Variants in AGPAT3 observed in about 807,000 individuals in gnomAD.
The protein encoded by AGPAT3 is 1-acylglycerol-3-phosphate O-acyltransferase 3, also known as 1-acyl-sn-glycerol-3-phosphate acyltransferase gamma.
A neutral mutation model predicts 47.3 loss-of-function variants in AGPAT3; 5 were observed. The ratio of observed to expected loss-of-function variants is 0.11; its 90% CI spans 0.06 to 0.22. The LOEUF is 0.22. Among genes scored for constraint, AGPAT3 ranks in the 10% least tolerant of loss-of-function variants. AGPAT3 has a pLI of 1.00. For missense variants in AGPAT3, 315 were observed against 493.0 expected (o/e 0.64, Z 3.42); for synonymous variants, 212 against 208.3 (o/e 1.02, Z -0.15).
At chr21:43,915,765 A>T (rs534418723) in intron 2 of AGPAT3, among the ~76,000 whole-genome samples, 13 of 152,040 alleles carry the variant, frequency 8.6e-5, no homozygotes, top group East Asian at 3.9e-4. Context: ...TTGTTGATTT[A>T]AAAAAAATTT....
chr21:43,889,286 G>GTTT (rs5844169), intron 1 of AGPAT3, among the ~76,000 whole-genome samples: 2 of 139,832 alleles, frequency 1.4e-5, no homozygotes. Context: ...GTTGTTGTGG[G>GTTT]TTTTTTTTTT....
At chr21:43,870,259 C>G (rs1421898377) in intron 1 of AGPAT3, among the ~76,000 whole-genome samples, 1 of 152,138 alleles carries the variant, frequency 6.6e-6, no homozygotes, top group Non-Finnish European at 1.5e-5. Context: ...AGGTTATTTT[C>G]AGTTTTCTAA....
intron 8 of AGPAT3, 65 bp from the exon 9 acceptor site, chr21:43,980,921 TCTC>T (rs1381357847): frequency 1.4e-6 from 2 of 1,434,470 alleles, no homozygotes; most frequent in Non-Finnish European, 1.9e-6. Context: ...CCAACAATCT[TCTC>T]CTGCATTGAA....
chr21:43,886,856 A>G (rs891967674), intron 1 of AGPAT3, among the ~76,000 whole-genome samples: 1 of 152,234 alleles, frequency 6.6e-6, no homozygotes, highest in Non-Finnish European at 1.5e-5. Context: ...CTTGATGGAC[A>G]TGTGGGTTGC....
At chr21:43,910,342 G>A (rs554692810) in intron 2 of AGPAT3, among the ~76,000 whole-genome samples, 14 of 152,328 alleles carry the variant, frequency 9.2e-5, no homozygotes, top group African/African-American at 2.4e-4. Flanking sequence ...GTCTCCCAGC[G>A]GCTGTGGCCG....
Position 43,892,199 on chromosome 21 carries a change from C to T in AGPAT3, c.-111-11758C>T, listed in dbSNP as rs141411764. Among the ~76,000 whole-genome samples the T allele has an allele frequency of 4.9e-3, 737 of 151,948 alleles. 9 individuals carry two copies. Among genetic ancestry groups the T allele is most frequent in the African/African-American group, 0.016 (655 of 41,408 alleles). On this transcript the variant is annotated intron_variant, in intron 1 of 9. Transcript: ENST00000291572. ...GTGCACGCCTGTAAATCCAGCTACT[C>T]AGGAGGCCGAGACAGGAGAATCGCT...
At position 43,984,922 on chromosome 21, in the gene AGPAT3, G is replaced by A. The variant is rs1314238661; in HGVS notation, c.*2530G>A. ...AGTCCGTGCTGGCCACTGTCGGGGT[G>A]AGGCACATTCTAGGCCTGGCATCGC... On this transcript the variant is annotated 3_prime_UTR_variant, in exon 10 of 10. Transcript: ENST00000291572. 2 of 356,094 alleles carry A rather than the reference G, an allele frequency of 5.6e-6. No individual in the cohort carries two copies. The highest frequency in any genetic ancestry group is 1.1e-5 in the Non-Finnish European group (2 of 178,122). The allele number at this position is 356,094 out of a possible 1,614,324, so 22.1% of individuals were successfully genotyped here.
At chr21:43,936,764 G>A (rs1417012419) in intron 2 of AGPAT3, among the ~76,000 whole-genome samples, 1 of 152,224 alleles carries the variant, frequency 6.6e-6, no homozygotes, top group Non-Finnish European at 1.5e-5. Context: ...GTGGAGCCAT[G>A]CCTGGCGCCA....
At position 43,967,998 on chromosome 21, in the gene AGPAT3, G is replaced by C; in HGVS notation, c.231G>C (p.Thr77=). The C allele has an allele frequency of 1.2e-6, 2 of 1,614,024 alleles. No individual in the cohort carries two copies. The highest frequency in any genetic ancestry group is 1.7e-6 in the Non-Finnish European group (2 of 1,180,010). ...CCTGCACGGAGTGTACACTGTTCAC[G>C]GACCAGGCCACGGTAGAGCGCTTTG... is the stretch of plus-strand genomic sequence containing the variant. The part of the protein sequence containing the change: ...WWSCTECTLF[T]DQATVERFGK... The change falls in exon 4 of 10, where the codon ACG becomes ACC. Residue 77 remains threonine (T), a synonymous_variant. Transcript: ENST00000291572.
chr21:43,899,909 G>A (rs919639343), intron 1 of AGPAT3, among the ~76,000 whole-genome samples: 4 of 152,216 alleles, frequency 2.6e-5, no homozygotes, highest in African/African-American at 4.8e-5. Flanking sequence ...CTGAGAGGAG[G>A]AGTGTCTCAG....
At chr21:43,980,902 T>G in intron 8 of AGPAT3, 87 bp from the exon 9 acceptor site, 12 of 1,335,256 alleles carry the variant, frequency 9.0e-6, no homozygotes, top group Non-Finnish European at 5.2e-6. Context: ...GTTGAGTCGT[T>G]TTTCATTGCC....
chr21:43,982,338 T>C lies in AGPAT3; in HGVS notation c.1077T>C (p.Thr359=). 2.5e-6 allele frequency: 4 copies of C among 1,613,908 alleles called. No individual in the cohort carries two copies. The highest frequency in any genetic ancestry group is 2.7e-5 in the African/African-American group (2 of 74,964). ...SFGVRRLIGV[T]EIEKGSSYGN... The stretch of plus-strand genomic sequence containing the variant: ...GAGTTCGCAGACTGATAGGAGTAAC[T>C]GAGATAGAAAAAGGCTCCAGCTACG... The change falls in exon 10 of 10, where the codon ACT becomes ACC. Residue 359 remains threonine, a synonymous_variant. Coordinates refer to ENST00000291572, the MANE Select transcript of AGPAT3 (RefSeq NM_020132.5). The surrounding 1 kb of genome is among the most constrained non-coding windows in gnomAD (Gnocchi z 6.2).
intron 2 of AGPAT3, among the ~76,000 whole-genome samples, chr21:43,928,111 G>A (rs1198226187): frequency 1.3e-5 from 2 of 152,122 alleles, no homozygotes; most frequent in South Asian, 4.1e-4. Context: ...CAGCAGAAAC[G>A]GAATAACCAC....
chr21:43,890,665 G>A (rs1353127341), intron 1 of AGPAT3, among the ~76,000 whole-genome samples: 3 of 150,720 alleles, frequency 2.0e-5, no homozygotes, highest in Non-Finnish European at 2.9e-5. Context: ...CACCCGCCTC[G>A]GCCTCCCAAA....
At chr21:43,961,507 CTT>C (rs1315593718) in intron 3 of AGPAT3, among the ~76,000 whole-genome samples, 1 of 121,532 alleles carries the variant, frequency 8.2e-6, no homozygotes, top group Non-Finnish European at 1.8e-5. Context: ...CGCGTAGACA[CTT>C]TGTCTCGTGG....
In AGPAT3 at chr21:43,971,397, T is replaced by C. The variant is rs1050686908; in HGVS notation, c.674T>C (p.Val225Ala). 6.2e-7 allele frequency: 1 copy of C among 1,614,102 alleles called. No individual in the cohort carries two copies. Among genetic ancestry groups the C allele is most frequent in the Non-Finnish European group, 8.5e-7 (1 of 1,179,958 alleles). The change falls in exon 7 of 10, where the codon GTC becomes GCC. Residue 225 changes from valine to alanine, a missense_variant. By Grantham distance (64) the Val-to-Ala change is moderately conservative. Coordinates refer to ENST00000291572, the MANE Select transcript of AGPAT3 (RefSeq NM_020132.5). The part of the protein sequence containing the change: ...VKCLRGTVAA[V>A]YDVTLNFRGN... ...CCGTCTCCTCCCACAGTCGCAGCTG[T>C]CTATGATGTAACCCTGAACTTCAGA...
intron 1 of AGPAT3, among the ~76,000 whole-genome samples, chr21:43,874,032 A>G (rs1472530166): frequency 2.6e-5 from 4 of 152,140 alleles, no homozygotes; most frequent in Admixed American, 1.3e-4. Flanking sequence ...TTTCTGTCAT[A>G]AGTATTTTAT....
chr21:43,919,898 G>C (rs1212907939), intron 2 of AGPAT3: 1 of 152,272 alleles, frequency 6.6e-6, no homozygotes, highest in Non-Finnish European at 1.5e-5. Context: ...GCTGACGCAA[G>C]CATGGGTGTC....
intron 2 of AGPAT3, among the ~76,000 whole-genome samples, chr21:43,909,698 C>T (rs1447989982): frequency 6.6e-6 from 1 of 152,192 alleles, no homozygotes; most frequent in African/African-American, 2.4e-5. Flanking sequence ...TCTCAGGTCT[C>T]GTCTCTCCTT....
Sources: gnomAD v4.1 joint callset for allele counts (sites outside exome capture counted in the v4.1 genomes callset) on GRCh38, gnomAD v4.1.1 for gene constraint, Gnocchi (gnomAD v3.1) non-coding constraint, MANE v1.5 for transcripts, NCBI Gene and HGNC (gene_info 2026-07-23, HGNC 2026-07-21) for gene names.